The following ADAM23 variants were observed in gnomAD, a reference collection of about 807,000 sequenced individuals.
The protein encoded by ADAM23 is disintegrin and metalloproteinase domain-containing protein 23.
ADAM23 carries 33 observed loss-of-function variants against 120.1 expected under a neutral mutation model. The ratio of observed to expected loss-of-function variants is 0.27; its 90% CI spans 0.21 to 0.37. The LOEUF is 0.37. Among genes scored for constraint, ADAM23 ranks in the 10% least tolerant of loss-of-function variants. The pLI, the probability that ADAM23 is intolerant of heterozygous loss-of-function variation, is 1.00. For synonymous variants in ADAM23, 367 were observed against 375.2 expected (o/e 0.98, Z 0.25); for missense variants, 862 against 1,058.2 (o/e 0.81, Z 2.57).
intron 3 of ADAM23, among the ~76,000 whole-genome samples, chr2:206,504,677 A>G (rs1329499481): frequency 6.6e-6 from 1 of 152,226 alleles, no homozygotes; most frequent in Non-Finnish European, 1.5e-5. Flanking sequence ...GTAGAGTTAC[A>G]GAGTTTGCAC....
In ADAM23 at chr2:206,588,079, TC is replaced by T; in HGVS notation, c.1789-10del. The T allele has an allele frequency of 6.2e-7, 1 of 1,614,046 alleles. No homozygotes were observed. The highest frequency in any genetic ancestry group is 8.5e-7 in the Non-Finnish European group (1 of 1,179,922). On this transcript the variant is annotated splice_polypyrimidine_tract_variant and intron_variant, in intron 19 of 25. Transcript: ENST00000264377. Reference sequence around the variant, plus strand: ...GACTCTGTGTGCCTCACATGTGTGCTCCTGTCCCCAGGGCCGCTGCTACAAT... The same window carrying T: ...GACTCTGTGTGCCTCACATGTGTGCTCTGTCCCCAGGGCCGCTGCTACAAT...
intron 4 of ADAM23, among the ~76,000 whole-genome samples, chr2:206,541,387 G>A (rs923053129): frequency 1.3e-5 from 2 of 152,178 alleles, no homozygotes; most frequent in East Asian, 1.9e-4. Flanking sequence ...AGAGGTTTTC[G>A]AGATCCTATA....
At chr2:206,517,915 G>C (rs1696767383) in intron 3 of ADAM23, among the ~76,000 whole-genome samples, 1 of 152,166 alleles carries the variant, frequency 6.6e-6, no homozygotes, top group African/African-American at 2.4e-5. Context: ...CCCTCTGAAA[G>C]ACCTAAATAG....
intron 2 of ADAM23, among the ~76,000 whole-genome samples, chr2:206,475,966 C>T (rs1216402309): frequency 6.6e-6 from 1 of 152,170 alleles, no homozygotes; most frequent in Non-Finnish European, 1.5e-5. Flanking sequence ...ACACCTGTCA[C>T]ATGTATACAG....
At chr2:206,610,252 G>A (rs1276331498) in intron 25 of ADAM23, among the ~76,000 whole-genome samples, 1 of 152,200 alleles carries the variant, frequency 6.6e-6, no homozygotes, top group Admixed American at 6.6e-5. Flanking sequence ...TTCTTTGGTA[G>A]AAGACAGTCC....
chr2:206,591,665 A>G (rs558275534), intron 21 of ADAM23, among the ~76,000 whole-genome samples: 20 of 152,224 alleles, frequency 1.3e-4, no homozygotes, highest in African/African-American at 4.1e-4. Context: ...AGGCCTGTAC[A>G]TAAGTAGAAA....
At chr2:206,491,396 T>A (rs1024543924) in intron 3 of ADAM23, among the ~76,000 whole-genome samples, 14 of 152,214 alleles carry the variant, frequency 9.2e-5, no homozygotes, top group African/African-American at 2.4e-4. Context: ...AATTTAATTG[T>A]TGATGGGATC....
chr2:206,497,322 T>C (rs1696274866), intron 3 of ADAM23, among the ~76,000 whole-genome samples: 1 of 152,176 alleles, frequency 6.6e-6, no homozygotes, highest in African/African-American at 2.4e-5. Context: ...GTGGGCTTCA[T>C]CCATGGGATG....
At chr2:206,508,555 C>T (rs1233671991) in intron 3 of ADAM23, among the ~76,000 whole-genome samples, 2 of 150,746 alleles carry the variant, frequency 1.3e-5, no homozygotes, top group African/African-American at 4.9e-5. Context: ...ACCCAGGAGG[C>T]TGAGGCAGGA....
At chr2:206,449,227 T>C (rs1695142748) in intron 2 of ADAM23, among the ~76,000 whole-genome samples, 1 of 152,252 alleles carries the variant, frequency 6.6e-6, no homozygotes, top group Admixed American at 6.5e-5. Context: ...TGCTTTTTTC[T>C]TATATCTCTT....
In ADAM23 at chr2:206,562,304, T is replaced by G. The variant is rs201615876; in HGVS notation, c.1345+11T>G. 2 of 1,606,162 alleles carry G rather than the reference T, an allele frequency of 1.2e-6. No homozygotes were observed. The highest frequency in any genetic ancestry group is 1.3e-5 in the African/African-American group (1 of 74,786). The stretch of plus-strand genomic sequence containing the variant: ...CTAGCAGAAAGCCAAGTATGTACAC[T>G]GACCTTCTTACTCATTTTCATGTGC... On this transcript the variant is annotated intron_variant, in intron 13 of 25. Coordinates refer to ENST00000264377, the MANE Select transcript of ADAM23 (RefSeq NM_003812.4).
At chr2:206,572,590 C>T (rs988802854) in intron 17 of ADAM23, among the ~76,000 whole-genome samples, 1 of 152,138 alleles carries the variant, frequency 6.6e-6, no homozygotes, top group Non-Finnish European at 1.5e-5. Context: ...TCACCTTTTA[C>T]CCACACCCTC....
At chr2:206,510,162 T>C (rs997394251) in intron 3 of ADAM23, among the ~76,000 whole-genome samples, 1 of 152,238 alleles carries the variant, frequency 6.6e-6, no homozygotes, top group Non-Finnish European at 1.5e-5. Flanking sequence ...GGAGGAATTA[T>C]ACGTGGAGGA....
At chr2:206,487,161 AATT>A (rs1343142521) in intron 3 of ADAM23, among the ~76,000 whole-genome samples, 1 of 152,114 alleles carries the variant, frequency 6.6e-6, no homozygotes, top group Non-Finnish European at 1.5e-5. Context: ...GTTGACAATG[AATT>A]ATTATTACCT....
At position 206,497,411 on chromosome 2, in the gene ADAM23, A is replaced by G. The variant is rs1223588490; in HGVS notation, c.509+16103A>G. 2.0e-5 allele frequency among the ~76,000 whole-genome samples: 3 copies of G among 152,230 alleles called. 1 individual carries two copies. The highest frequency in any genetic ancestry group is 4.4e-5 in the Non-Finnish European group (3 of 68,042). ...AACCAAAGACAAAAACCACATGATT[A>G]TCTCAATAGATGCAGAAAAGGCCTT... On this transcript the variant is annotated intron_variant, in intron 3 of 25. Coordinates refer to ENST00000264377, the MANE Select transcript of ADAM23 (RefSeq NM_003812.4).
chr2:206,609,059 A>T (rs1043898493), intron 24 of ADAM23, among the ~76,000 whole-genome samples: 1 of 152,180 alleles, frequency 6.6e-6, no homozygotes. Flanking sequence ...TAAGGAGAGG[A>T]GTGAGCGAGT....
intron 3 of ADAM23, among the ~76,000 whole-genome samples, chr2:206,526,141 T>TACACACACAC (rs59684611): frequency 3.5e-3 from 512 of 145,780 alleles, no homozygotes; most frequent in Non-Finnish European, 5.5e-3. Context: ...TTCCAACAAA[T>TACACACACAC]ACACACACAC....
chr2:206,621,065 G>A lies in ADAM23; in HGVS notation c.*3438G>A, dbSNP rs1034171469. ...GTATCTTGTTGGCTGCCTATGAATGGAGATTCAGTAGTCATTGTATGCATC... is the reference window on the plus strand; with the variant it reads ...GTATCTTGTTGGCTGCCTATGAATGAAGATTCAGTAGTCATTGTATGCATC... On this transcript the variant is annotated 3_prime_UTR_variant, in exon 26 of 26. Coordinates refer to ENST00000264377, the MANE Select transcript of ADAM23 (RefSeq NM_003812.4). The A allele has an allele frequency of 3.3e-5, 5 of 152,188 alleles. No homozygotes were observed. The highest frequency in any genetic ancestry group is 1.2e-4 in the African/African-American group (5 of 41,436). 9.4% of individuals were successfully genotyped at this position (152,188 alleles called of 1,614,324 possible). A position where few individuals can be genotyped will look rare whatever the true frequency, so the allele number is the denominator to read the frequency against.
At chr2:206,493,978 A>G (rs1696185228) in intron 3 of ADAM23, among the ~76,000 whole-genome samples, 1 of 152,190 alleles carries the variant, frequency 6.6e-6, no homozygotes, top group Non-Finnish European at 1.5e-5. Flanking sequence ...ATCTTTATTG[A>G]AGATAATGGA....
Sources: allele counts gnomAD v4.1 joint callset (sites outside exome capture counted in the v4.1 genomes callset), GRCh38; gene constraint gnomAD v4.1.1; transcripts MANE v1.5; gene names NCBI Gene and HGNC (gene_info 2026-07-23, HGNC 2026-07-21).